EIF4E2: variants seen among roughly 807,000 people sequenced by gnomAD.
EIF4E2 encodes eukaryotic translation initiation factor 4E family member 2, also known as eukaryotic translation initiation factor 4E type 2.
A neutral mutation model predicts 34.2 loss-of-function variants in EIF4E2; 13 were observed. That is an observed-to-expected ratio of 0.38 (90% CI 0.25 to 0.60). The LOEUF is 0.60. EIF4E2 is among the 20% of genes least tolerant of loss of function. The pLI is 0.62. For synonymous variants in EIF4E2, 100 were observed against 106.6 expected (o/e 0.94, Z 0.38); for missense variants, 222 against 315.1 (o/e 0.70, Z 2.24).
intron 6 of EIF4E2, 50 bp downstream of exon 6, chr2:232,567,264 T>G: frequency 5.6e-6 from 9 of 1,609,168 alleles, no homozygotes; most frequent in Non-Finnish European, 6.8e-6. Flanking sequence ...TTAGTATAAG[T>G]AGATCTGTAG....
chr2:232,573,049 A>G (rs1274649980), downstream of EIF4E2, among the ~76,000 whole-genome samples: 2 of 152,170 alleles, frequency 1.3e-5, no homozygotes, highest in African/African-American at 4.8e-5. Flanking sequence ...TCACTCAGGG[A>G]TTCACAAAGC....
rs142707074 is a variant in EIF4E2 at position 232,568,154 on chromosome 2, A to G, written c.666-791A>G. 2.8e-5 allele frequency: 28 copies of G among 985,388 alleles called. No homozygotes were observed. The African/African-American group carries it at 4.7e-4, about 17-fold the overall frequency. The allele number at this position is 985,388 out of a possible 1,614,324, so 61.0% of individuals were successfully genotyped here. A position where few individuals can be genotyped will look rare whatever the true frequency, so the allele number is the denominator to read the frequency against. On this transcript the variant is annotated intron_variant, in intron 6 of 6. Transcript: ENST00000258416. ...GCCAAGTAGTAGTATTGCTATCATCATCATCATCATTAGTAAGAATATCAT... is the reference window on the plus strand; with the variant it reads ...GCCAAGTAGTAGTATTGCTATCATCGTCATCATCATTAGTAAGAATATCAT...
At chr2:232,561,389 G>A (rs935390840) in intron 3 of EIF4E2, among the ~76,000 whole-genome samples, 1 of 151,948 alleles carries the variant, frequency 6.6e-6, no homozygotes, top group African/African-American at 2.4e-5. Context: ...TTTTGTTTCA[G>A]TGTATATGTT....
intron 3 of EIF4E2, among the ~76,000 whole-genome samples, chr2:232,560,095 G>A (rs2106240939): frequency 6.6e-6 from 1 of 152,306 alleles, no homozygotes; most frequent in Middle Eastern, 3.4e-3. Context: ...CTGAACACAT[G>A]GAGGTGCCTG....
rs1692913989 is a variant in EIF4E2 at position 232,566,017 on chromosome 2, A to C, written c.376-812A>C. ...AGAGACAGGAGAATCGCTTGAACCC[A>C]AGAGGCAGAAGTGGCAGTGAGCCGA... On this transcript the variant is annotated intron_variant, in intron 4 of 6. Transcript: ENST00000258416. This position sits in a 1 kb window ranked among gnomAD's most constrained non-coding sequence, Gnocchi z 4.9. Among the ~76,000 whole-genome samples the C allele has an allele frequency of 6.6e-6, 1 of 151,762 alleles. No homozygotes were observed. The highest frequency in any genetic ancestry group is 2.1e-4 in the South Asian group (1 of 4,802).
Position 232,569,150 on chromosome 2 carries a change from C to G in EIF4E2, c.*133C>G. On this transcript the variant is annotated 3_prime_UTR_variant, in exon 7 of 7. Transcript: ENST00000258416. ...GGAAGAGCATTTTATGTTTTAAGAACAGGCTGACACGCAGCAGCTACAACA... is the reference window on the plus strand; with the variant it reads ...GGAAGAGCATTTTATGTTTTAAGAAGAGGCTGACACGCAGCAGCTACAACA... 1 of 1,476,410 alleles carries G rather than the reference C, an allele frequency of 6.8e-7. No individual in the cohort carries two copies. Among genetic ancestry groups the G allele is most frequent in the South Asian group, 1.4e-5 (1 of 73,658 alleles). The allele number at this position is 1,476,410 out of a possible 1,614,324, so 91.5% of individuals were successfully genotyped here. A position where few individuals can be genotyped will look rare whatever the true frequency, so the allele number is the denominator to read the frequency against.
chr2:232,573,429 G>C (rs1318124327), downstream of EIF4E2, among the ~76,000 whole-genome samples: 1 of 152,142 alleles, frequency 6.6e-6, no homozygotes, highest in Non-Finnish European at 1.5e-5. Context: ...CTAGGGCTTA[G>C]GTAGGAAATC....
At chr2:232,578,960 A>G (rs896963995) in intron 6 of EIF4E2, among the ~76,000 whole-genome samples, 17 of 152,260 alleles carry the variant, frequency 1.1e-4, no homozygotes, top group African/African-American at 2.9e-4. Flanking sequence ...GTGGTGTCCA[A>G]TGATTAGGTG....
intron 1 of EIF4E2, 73 bp downstream of exon 1, chr2:232,550,817 G>A (rs939329669): frequency 5.6e-6 from 8 of 1,418,610 alleles, no homozygotes; most frequent in Non-Finnish European, 3.8e-6. Context: ...GCTGGGGCTG[G>A]GGCGGCGCAA....
At chr2:232,553,343 G>T (rs548109679) in intron 1 of EIF4E2, among the ~76,000 whole-genome samples, 1 of 152,224 alleles carries the variant, frequency 6.6e-6, no homozygotes, top group East Asian at 1.9e-4. Flanking sequence ...TTAACTTTGG[G>T]CCCATTCCTA....
Position 232,569,022 on chromosome 2 carries a change from C to A in EIF4E2, c.*5C>A. On this transcript the variant is annotated 3_prime_UTR_variant, in exon 7 of 7. Coordinates refer to ENST00000258416, the MANE Select transcript of EIF4E2 (RefSeq NM_004846.4). ...CCGCGGTTGAATGTGCCATGACCCT[C>A]TCCCTCTCTGGATGGCACCATCATT... The A allele has an allele frequency of 6.2e-7, 1 of 1,614,040 alleles. No individual in the cohort carries two copies. The highest frequency in any genetic ancestry group is 8.5e-7 in the Non-Finnish European group (1 of 1,179,972).
At chr2:232,571,802 A>C (rs915005592), downstream of EIF4E2, among the ~76,000 whole-genome samples, 1 of 152,208 alleles carries the variant, frequency 6.6e-6, no homozygotes, top group African/African-American at 2.4e-5. Context: ...AGGTTACCCC[A>C]GCTTAATTGC....
At chr2:232,568,633 G>A (rs1693015346) in intron 6 of EIF4E2, 2 of 985,196 alleles carry the variant, frequency 2.0e-6, no homozygotes, top group South Asian at 4.7e-5. Flanking sequence ...AGGGAAAGAG[G>A]TATTTTTCAT....
intron 1 of EIF4E2, chr2:232,551,184 C>T (rs1692301702): frequency 2.0e-6 from 1 of 496,160 alleles, no homozygotes; most frequent in Non-Finnish European, 4.1e-6. Context: ...GGGACGGTAA[C>T]ACCCTTTGTC....
intron 1 of EIF4E2, among the ~76,000 whole-genome samples, chr2:232,552,161 G>A (rs1045297892): frequency 6.6e-6 from 1 of 152,146 alleles, no homozygotes; most frequent in Non-Finnish European, 1.5e-5. Flanking sequence ...GGAGTCTGCA[G>A]TAAGAATGGT....
chr2:232,564,452 TTTTATTTTATTTTA>T, intron 4 of EIF4E2, 101 bp downstream of exon 4: 1 of 600,422 alleles, frequency 1.7e-6, no homozygotes, highest in South Asian at 2.8e-5. Context: ...TTTTATTTTA[TTTTATTTTATTTTA>T]TTTGAGACGG....
chr2:232,558,594 T>TTG (rs577837543), intron 3 of EIF4E2: 44,082 of 150,574 alleles, frequency 0.29, 6,916 homozygotes, highest in Admixed American at 0.41. Flanking sequence ...CTGTTTTTTT[T>TTG]TTTGTTTGTT....
chr2:232,565,033 C>A (rs1692871712), intron 4 of EIF4E2, among the ~76,000 whole-genome samples: 2 of 140,372 alleles, frequency 1.4e-5, no homozygotes, highest in African/African-American at 5.5e-5. Flanking sequence ...AAGGCAGGAA[C>A]TGGAGACCTA....
In EIF4E2 at chr2:232,579,089, AAC is replaced by A. The variant is rs568717064; in HGVS notation, c.666-1811_666-1810del. 1.9e-4 allele frequency among the ~76,000 whole-genome samples: 28 copies of A among 151,204 alleles called. No individual in the cohort carries two copies. The South Asian group carries it at 4.0e-3, about 22-fold the overall frequency. On this transcript the variant is annotated intron_variant, in intron 6 of 6. Transcript: ENST00000409098. ...AGTGTCTTTTGTAATGCATCTCTGT[AAC>A]ACAGCATATTTTCCCTAAGAGAACT... is the stretch of plus-strand genomic sequence containing the variant.
Sources: gnomAD v4.1 joint callset for allele counts (sites outside exome capture counted in the v4.1 genomes callset) on GRCh38, gnomAD v4.1.1 for gene constraint, Gnocchi (gnomAD v3.1) non-coding constraint, MANE v1.5 for transcripts, NCBI Gene and HGNC (gene_info 2026-07-23, HGNC 2026-07-21) for gene names.